TMEM242: variants seen among roughly 807,000 people sequenced by gnomAD.
The protein encoded by TMEM242 is UPF0463 transmembrane protein C6orf35.
Under a neutral mutation model 18.2 loss-of-function variants are expected in TMEM242, and 10 were observed. The observed-to-expected ratio is 0.55, with a 90% confidence interval of 0.34 to 0.93. The LOEUF is 0.93. TMEM242 is among the 40% of genes least tolerant of loss of function. TMEM242 has a pLI of 0.02. For missense variants in TMEM242, 186 were observed against 175.5 expected, an observed-to-expected ratio of 1.06 and a Z score of -0.34; for synonymous variants, 57 against 69.9, an observed-to-expected ratio of 0.81 and a Z score of 0.92.
At chr6:157,310,991 A>T (rs199603148) in intron 3 of TMEM242, among the ~76,000 whole-genome samples, 2 of 29,728 alleles carry the variant, frequency 6.7e-5, no homozygotes, top group African/African-American at 1.9e-4. Context: ...AGTATGCGCT[A>T]ACCTAGCCTC....
chr6:157,322,709 T>A lies in TMEM242; in HGVS notation c.185A>T (p.Asn62Ile), dbSNP rs187769654. The change falls in exon 2 of 4, where the codon AAT (asparagine) becomes ATT (isoleucine). Residue 62 changes from asparagine to isoleucine, a missense_variant. Asn to Ile is a moderately radical substitution (Grantham distance 149, BLOSUM62 -3). Coordinates refer to ENST00000400788, the MANE Select transcript of TMEM242 (RefSeq NM_018452.6). ...ATGGATTTCAGTGTCACCAACCTTA[T>A]TGAACCATTCAGGGCTTTTCTTTTT... ...LAKKKSPEWF[N>I]KGSMATAALP... The A allele has an allele frequency of 3.7e-6, 6 of 1,612,220 alleles. No homozygotes were observed. The highest frequency in any genetic ancestry group is 5.1e-6 in the Non-Finnish European group (6 of 1,179,198).
At chr6:157,293,858 C>T (rs1483811397) in intron 3 of TMEM242, among the ~76,000 whole-genome samples, 8 of 152,062 alleles carry the variant, frequency 5.3e-5, no homozygotes, top group African/African-American at 1.9e-4. Flanking sequence ...TCAGCACCCC[C>T]AAGTAGCTGG....
chr6:157,320,395 AT>A (rs1488585455), intron 2 of TMEM242, among the ~76,000 whole-genome samples: 1 of 152,234 alleles, frequency 6.6e-6, no homozygotes, highest in Non-Finnish European at 1.5e-5. Context: ...ATATAAGCCT[AT>A]TTTTTATGAA....
At position 157,323,280 on chromosome 6, in the gene TMEM242, G is replaced by C. The variant is rs1583578872; in HGVS notation, c.88+132C>G. 7 of 1,028,738 alleles carry C rather than the reference G, an allele frequency of 6.8e-6. No individual in the cohort carries two copies. The East Asian group carries it at 1.7e-4, about 25-fold the overall frequency. 63.7% of individuals were successfully genotyped at this position (1,028,738 alleles called of 1,614,324 possible). On this transcript the variant is annotated intron_variant, in intron 1 of 3. Coordinates refer to ENST00000400788, the MANE Select transcript of TMEM242 (RefSeq NM_018452.6). Reference sequence around the variant, plus strand: ...CCTCCCTGGGCCGCCAGACTCCGCGGGCTAAACTCAGGGGCAAGCACAAGC... The same window carrying C: ...CCTCCCTGGGCCGCCAGACTCCGCGCGCTAAACTCAGGGGCAAGCACAAGC...
At chr6:157,304,259 C>A (rs1485705697) in intron 3 of TMEM242, among the ~76,000 whole-genome samples, 2 of 151,910 alleles carry the variant, frequency 1.3e-5, no homozygotes, top group African/African-American at 4.8e-5. Context: ...TGAGGTCAGG[C>A]ATTCCACACC....
intron 3 of TMEM242, among the ~76,000 whole-genome samples, chr6:157,313,754 T>A (rs1778302022): frequency 6.8e-6 from 1 of 147,172 alleles, no homozygotes; most frequent in South Asian, 2.2e-4. Context: ...AGTGACCCAC[T>A]GTGCGCTCAC....
In TMEM242 at chr6:157,318,886, C is replaced by T. The variant is rs1554250567; in HGVS notation, c.223G>A (p.Gly75Arg). The part of the protein sequence containing the change: ...SMATAALPES[G>R]SSLALRALGW... The stretch of plus-strand genomic sequence containing the variant: ...AGAGCTCGCAAGGCAAGGGAAGACC[C>T]GCTTTCCGGTAATGCAGCCGTGGCC... The change falls in exon 3 of 4, where the codon GGG becomes AGG. Residue 75 changes from glycine (G) to arginine (R), a missense_variant. Coordinates refer to ENST00000400788, the MANE Select transcript of TMEM242 (RefSeq NM_018452.6). 7 of 1,609,732 alleles carry T rather than the reference C, an allele frequency of 4.3e-6. No individual in the cohort carries two copies. The highest frequency in any genetic ancestry group is 4.5e-5 in the East Asian group (2 of 44,856).
At chr6:157,322,562 T>C (rs1328172616) in intron 2 of TMEM242, 143 bp downstream of exon 2, 1 of 594,784 alleles carries the variant, frequency 1.7e-6, no homozygotes, top group Admixed American at 3.3e-5. Flanking sequence ...GGTTAATTTG[T>C]ACATTTCTAG....
At chr6:157,312,809 C>A (rs1554249434) in intron 3 of TMEM242, among the ~76,000 whole-genome samples, 1 of 139,722 alleles carries the variant, frequency 7.2e-6, no homozygotes, top group Non-Finnish European at 1.5e-5. Context: ...CCAGTGTGAA[C>A]TCAACTAGCC....
chr6:157,317,098 C>T (rs1031073875), intron 3 of TMEM242, among the ~76,000 whole-genome samples: 4 of 152,218 alleles, frequency 2.6e-5, no homozygotes, highest in Non-Finnish European at 4.4e-5. Flanking sequence ...TCAGCATATA[C>T]ATGCTGTTAA....
At chr6:157,315,632 T>C (rs587596124) in intron 3 of TMEM242, among the ~76,000 whole-genome samples, 1 of 152,270 alleles carries the variant, frequency 6.6e-6, no homozygotes, top group African/African-American at 2.4e-5. Flanking sequence ...CTGGATGACA[T>C]AAAGATGCAA....
intron 3 of TMEM242, among the ~76,000 whole-genome samples, chr6:157,309,369 A>G (rs1167178862): frequency 6.6e-6 from 1 of 151,930 alleles, no homozygotes; most frequent in African/African-American, 2.4e-5. Context: ...GGTCCTCAAT[A>G]TATATACGAA....
At chr6:157,312,568 A>T (rs76089472) in intron 3 of TMEM242, among the ~76,000 whole-genome samples, 13 of 31,978 alleles carry the variant, frequency 4.1e-4, no homozygotes, top group Admixed American at 1.2e-3. Context: ...GCCCCAGTGT[A>T]CGCTCACCCG....
At position 157,306,425 on chromosome 6, in the gene TMEM242, T is replaced by C. The variant is rs587601917; in HGVS notation, c.327+12357A>G. Among the ~76,000 whole-genome samples the C allele has an allele frequency of 4.1e-4, 62 of 152,250 alleles. No homozygotes were observed. In the South Asian group the frequency reaches 4.2e-3, roughly 10 times the overall value. ...GATGCAGGGGTGAGACACAGTGTGGTCAGGAATGGCCACCTGGCTTTTCTG... is the reference window on the plus strand; with the variant it reads ...GATGCAGGGGTGAGACACAGTGTGGCCAGGAATGGCCACCTGGCTTTTCTG... On this transcript the variant is annotated intron_variant, in intron 3 of 3. Coordinates refer to ENST00000400788, the MANE Select transcript of TMEM242 (RefSeq NM_018452.6).
At chr6:157,296,272 A>G (rs1177428850) in intron 3 of TMEM242, among the ~76,000 whole-genome samples, 1 of 152,066 alleles carries the variant, frequency 6.6e-6, no homozygotes, top group Non-Finnish European at 1.5e-5. Flanking sequence ...CATTTTCCAA[A>G]CTGTAGTTCT....
chr6:157,310,834 C>A (rs1554248468), intron 3 of TMEM242, among the ~76,000 whole-genome samples: 9 of 151,198 alleles, frequency 6.0e-5, no homozygotes, highest in South Asian at 2.1e-4. Flanking sequence ...CCGGCCTCAT[C>A]ATAGTGTCCC....
intron 3 of TMEM242, chr6:157,299,598 T>A: frequency 6.3e-7 from 1 of 1,589,504 alleles, no homozygotes; most frequent in Non-Finnish European, 8.6e-7. Flanking sequence ...TCCACTGGAT[T>A]GGAAACAATA....
intron 3 of TMEM242, among the ~76,000 whole-genome samples, chr6:157,316,401 G>A (rs1254984773): frequency 2.0e-5 from 3 of 152,192 alleles, no homozygotes; most frequent in African/African-American, 7.2e-5. Context: ...TAAATAATCT[G>A]CTATGTCTAA....
intron 2 of TMEM242, among the ~76,000 whole-genome samples, chr6:157,320,998 C>CT (rs201521248): frequency 0.012 from 1,674 of 135,452 alleles, 24 homozygotes; most frequent in African/African-American, 0.04. Flanking sequence ...TTTCCCATTT[C>CT]TTTTTTTTTT....
Sources: gnomAD v4.1 joint callset for allele counts (sites outside exome capture counted in the v4.1 genomes callset) on GRCh38, gnomAD v4.1.1 for gene constraint, MANE v1.5 for transcripts, NCBI Gene and HGNC (gene_info 2026-07-23, HGNC 2026-07-21) for gene names.